The following TNFRSF19 variants were observed in gnomAD, a reference collection of about 807,000 sequenced individuals.
The protein encoded by TNFRSF19 is tumor necrosis factor receptor superfamily member 19.
In TNFRSF19, 27 loss-of-function variants were observed where a neutral mutation model predicts 46.4. That is an observed-to-expected ratio of 0.58 (90% CI 0.43 to 0.80). The LOEUF is 0.80. Ranked by LOEUF, TNFRSF19 falls within the 30% of genes least tolerant of loss-of-function variation. The pLI, the probability that TNFRSF19 is intolerant of heterozygous loss-of-function variation, is 0.00. For missense variants in TNFRSF19, 511 were observed against 530.8 expected (o/e 0.96, Z 0.37); for synonymous variants, 204 against 205.0 (o/e 1.00, Z 0.04).
At chr13:23,578,043 G>A (rs1878084179) in intron 1 of TNFRSF19, among the ~76,000 whole-genome samples, 1 of 152,196 alleles carries the variant, frequency 6.6e-6, no homozygotes, top group Non-Finnish European at 1.5e-5. Flanking sequence ...CAGTAACTCA[G>A]CTTAGAAGTG....
chr13:23,653,311 C>G (rs1031629560), intron 5 of TNFRSF19, among the ~76,000 whole-genome samples: 4 of 152,198 alleles, frequency 2.6e-5, no homozygotes, highest in Non-Finnish European at 5.9e-5. Context: ...TGGCTTCTTG[C>G]TGGACCTAGC....
In TNFRSF19 at chr13:23,626,803, G is replaced by A. The variant is rs773890103; in HGVS notation, c.445+11G>A. On this transcript the variant is annotated intron_variant, in intron 5 of 9. Transcript: ENST00000248484. ...CTTACGAACCGCACTGTGAGTGAAC[G>A]CAACACAGGCAGAGCCAAGGGGACG... The A allele has an allele frequency of 2.9e-5, 47 of 1,613,472 alleles. No individual in the cohort carries two copies. Among genetic ancestry groups the A allele is most frequent in the Admixed American group, 1.8e-4 (11 of 59,928 alleles).
intron 7 of TNFRSF19, among the ~76,000 whole-genome samples, chr13:23,661,468 G>T (rs1277645743): frequency 6.6e-6 from 1 of 152,192 alleles, no homozygotes; most frequent in Non-Finnish European, 1.5e-5. Flanking sequence ...TTGATTCCAT[G>T]TCTTTGCTAT....
chr13:23,589,568 C>T (rs545712646), intron 1 of TNFRSF19, among the ~76,000 whole-genome samples: 2 of 152,318 alleles, frequency 1.3e-5, no homozygotes, highest in South Asian at 2.1e-4. Context: ...AAGGGATGCT[C>T]CACCTGGGTT....
intron 1 of TNFRSF19, among the ~76,000 whole-genome samples, chr13:23,577,417 T>C (rs538504688): frequency 1.3e-5 from 2 of 152,230 alleles, no homozygotes; most frequent in Non-Finnish European, 1.5e-5. Context: ...AAAGCTTTGG[T>C]TGAACATTTA....
At chr13:23,613,793 C>A (rs1881064202) in intron 3 of TNFRSF19, among the ~76,000 whole-genome samples, 1 of 152,186 alleles carries the variant, frequency 6.6e-6, no homozygotes, top group African/African-American at 2.4e-5. Flanking sequence ...GCACACAGCT[C>A]TCCCAGCAAC....
intron 5 of TNFRSF19, among the ~76,000 whole-genome samples, chr13:23,638,510 C>G (rs958354402): frequency 3.9e-5 from 6 of 152,164 alleles, no homozygotes; most frequent in Admixed American, 6.5e-5. Context: ...TTTTCTTTTA[C>G]TCAAAGACAG....
intron 4 of TNFRSF19, among the ~76,000 whole-genome samples, chr13:23,617,701 T>C (rs1261583668): frequency 2.6e-5 from 4 of 152,242 alleles, no homozygotes; most frequent in Non-Finnish European, 4.4e-5. Flanking sequence ...CATTTATTAC[T>C]TGCAATGTAC....
rs1349350124 is a variant in TNFRSF19, at chr13:23,659,711, T to G, written c.610+497T>G. Among the ~76,000 whole-genome samples the G allele has an allele frequency of 1.3e-5, 2 of 152,144 alleles. No individual in the cohort carries two copies. Among genetic ancestry groups the G allele is most frequent in the African/African-American group, 4.8e-5 (2 of 41,428 alleles). Reference sequence around the variant, plus strand: ...TAGTAGAAACGGGGTTTCACCATGTTGGCCAGGCTGGTCTCGAACTCCTGA... The same window carrying G: ...TAGTAGAAACGGGGTTTCACCATGTGGGCCAGGCTGGTCTCGAACTCCTGA... On this transcript the variant is annotated intron_variant, in intron 6 of 9. Transcript: ENST00000248484. The surrounding 1 kb of genome is among the most constrained non-coding windows in gnomAD (Gnocchi z 4.9).
In TNFRSF19 at chr13:23,626,788, G is replaced by T. The variant is rs143483716; in HGVS notation, c.441G>T (p.Pro147=). The part of the protein sequence containing the change: ...PCGDPPPPYE[P]HCASKVNLVK... ...GAGACCCTCCTCCTCCTTACGAACC[G>T]CACTGTGAGTGAACGCAACACAGGC... Residue 147 remains proline (P), a synonymous_variant, in exon 5 of 10, where the codon CCG becomes CCT. Transcript: ENST00000248484. 6.8e-6 allele frequency: 11 copies of T among 1,613,894 alleles called. No individual in the cohort carries two copies. Among genetic ancestry groups the T allele is most frequent in the African/African-American group, 5.3e-5 (4 of 74,910 alleles).
chr13:23,588,060 A>G (rs985080257), intron 1 of TNFRSF19, among the ~76,000 whole-genome samples: 5 of 152,246 alleles, frequency 3.3e-5, no homozygotes, highest in Non-Finnish European at 7.3e-5. Flanking sequence ...GGACAATAGT[A>G]GTTGCTAACA....
intron 5 of TNFRSF19, among the ~76,000 whole-genome samples, chr13:23,651,463 G>A (rs1883623798): frequency 6.6e-6 from 1 of 152,178 alleles, no homozygotes; most frequent in Admixed American, 6.5e-5. Context: ...GAAACCAGAT[G>A]TGTTATTTTC....
At chr13:23,594,874 C>T (rs1478845141) in intron 3 of TNFRSF19, among the ~76,000 whole-genome samples, 1 of 152,204 alleles carries the variant, frequency 6.6e-6, no homozygotes, top group East Asian at 1.9e-4. Flanking sequence ...CTCTGGCTGG[C>T]ATCTGGTGGG....
intron 5 of TNFRSF19, among the ~76,000 whole-genome samples, chr13:23,628,767 G>GTATA (rs140729064): frequency 1.3e-5 from 2 of 150,482 alleles, no homozygotes; most frequent in Non-Finnish European, 3.0e-5. Flanking sequence ...AAATTAACCA[G>GTATA]TATATATATA....
At position 23,642,880 on chromosome 13, in the gene TNFRSF19, G is replaced by A. The variant is rs552847569; in HGVS notation, c.445+16088G>A. ...TTTACTCCTCATTGACTAAAATCAG[G>A]TTCATGTAAGCCAACTTTAATGTGT... is the stretch of plus-strand genomic sequence containing the variant. On this transcript the variant is annotated intron_variant, in intron 5 of 9. Coordinates refer to ENST00000248484, the MANE Select transcript of TNFRSF19 (RefSeq NM_148957.4). 4.4e-4 allele frequency among the ~76,000 whole-genome samples: 67 copies of A among 152,298 alleles called. No homozygotes were observed. The South Asian group carries it at 6.6e-3, about 15-fold the overall frequency.
chr13:23,657,202 A>G (rs1593293036), intron 5 of TNFRSF19, among the ~76,000 whole-genome samples: 1 of 152,214 alleles, frequency 6.6e-6, no homozygotes, highest in South Asian at 2.1e-4. Context: ...GTGGCCTAGA[A>G]TCACTGAGAC....
In TNFRSF19 at chr13:23,668,833, T is replaced by C; in HGVS notation, c.981T>C (p.Pro327=). The C allele has an allele frequency of 6.2e-7, 1 of 1,614,262 alleles. No homozygotes were observed. The highest frequency in any genetic ancestry group is 8.5e-7 in the Non-Finnish European group (1 of 1,180,044). The part of the protein sequence containing the change: ...GDNISFCDSY[P]ELTGEDIHSL... Reference sequence around the variant, plus strand: ...ACATCTCTTTTTGTGACTCTTATCCTGAACTCACTGGAGAAGACATTCATT... The same window carrying C: ...ACATCTCTTTTTGTGACTCTTATCCCGAACTCACTGGAGAAGACATTCATT... Residue 327 remains proline, a synonymous_variant, in exon 9 of 10, where the codon CCT becomes CCC. Coordinates refer to ENST00000248484, the MANE Select transcript of TNFRSF19 (RefSeq NM_148957.4).
At chr13:23,642,285 C>T (rs1362518103) in intron 5 of TNFRSF19, among the ~76,000 whole-genome samples, 5 of 152,146 alleles carry the variant, frequency 3.3e-5, no homozygotes, top group Admixed American at 6.5e-5. Flanking sequence ...ACTGTATAGG[C>T]GGTTTCAGTC....
intron 3 of TNFRSF19, among the ~76,000 whole-genome samples, chr13:23,613,034 T>C (rs1489742023): frequency 1.3e-5 from 2 of 152,234 alleles, no homozygotes; most frequent in Admixed American, 6.5e-5. Context: ...ACTAAACTTG[T>C]TTTAATTAAG....
Sources: allele counts gnomAD v4.1 joint callset (sites outside exome capture counted in the v4.1 genomes callset), GRCh38; gene constraint gnomAD v4.1.1; non-coding constraint Gnocchi (gnomAD v3.1); transcripts MANE v1.5; gene names NCBI Gene and HGNC (gene_info 2026-07-23, HGNC 2026-07-21).